Variants in TET3 observed in about 807,000 individuals in gnomAD.
TET3 encodes the protein methylcytosine dioxygenase TET3.
In TET3, 19 loss-of-function variants were observed where a neutral mutation model predicts 141.4. The ratio of observed to expected loss-of-function variants is 0.13; its 90% CI spans 0.09 to 0.20. The LOEUF is 0.20. TET3 is among the 10% of genes least tolerant of loss of function. TET3 has a pLI of 1.00. For synonymous variants in TET3, 1,043 were observed against 980.9 expected (o/e 1.06, Z -1.18); for missense variants, 1,874 against 2,356.9 (o/e 0.80, Z 4.24).
chr2:74,024,338 G>T (rs1686220426), intron 3 of TET3, among the ~76,000 whole-genome samples: 1 of 152,230 alleles, frequency 6.6e-6, no homozygotes, highest in South Asian at 2.1e-4. Context: ...CCTCTGGCAT[G>T]CACATGACAG....
intron 3 of TET3, among the ~76,000 whole-genome samples, chr2:74,032,442 GGTGTGTCTCTGTGTGT>G (rs1299251434): frequency 1.9e-4 from 18 of 94,872 alleles, no homozygotes; most frequent in African/African-American, 8.7e-4. Context: ...CTGCAAGAGG[GGTGTGTCTCTGTGTGT>G]GTGTGTGTGT....
At chr2:73,988,601 C>G (rs1684163477) in intron 2 of TET3, among the ~76,000 whole-genome samples, 1 of 152,142 alleles carries the variant, frequency 6.6e-6, no homozygotes, top group South Asian at 2.1e-4. Context: ...TAGAGACACC[C>G]CTGCTGAGAG....
intron 5 of TET3, among the ~76,000 whole-genome samples, chr2:74,076,905 A>G (rs1334144134): frequency 5.9e-5 from 9 of 152,234 alleles, no homozygotes; most frequent in Admixed American, 1.3e-4. Flanking sequence ...TTTTGGAGAA[A>G]GGAGGGGAAG....
At position 74,105,184 on chromosome 2, in the gene TET3, C is replaced by T. The variant is rs1691428231; in HGVS notation, c.*3008C>T. The T allele has an allele frequency of 2.5e-6, 1 of 398,500 alleles. No homozygotes were observed. Among genetic ancestry groups the T allele is most frequent in the East Asian group, 3.6e-5 (1 of 28,078 alleles). The allele number at this position is 398,500 out of a possible 1,614,324, so 24.7% of individuals were successfully genotyped here. On this transcript the variant is annotated 3_prime_UTR_variant, in exon 12 of 12. Coordinates refer to ENST00000409262, the MANE Select transcript of TET3 (RefSeq NM_001287491.2). ...AAATAAAGCCATTGCAACTAAAGAACCTAACAGCATGACCAAGTTCGAAGA... is the reference window on the plus strand; with the variant it reads ...AAATAAAGCCATTGCAACTAAAGAATCTAACAGCATGACCAAGTTCGAAGA...
intron 3 of TET3, among the ~76,000 whole-genome samples, chr2:74,038,553 T>A (rs1053877037): frequency 1.3e-5 from 2 of 152,164 alleles, no homozygotes; most frequent in Non-Finnish European, 2.9e-5. Flanking sequence ...GAGGCCCCTG[T>A]AGCCTTTGCA....
intron 11 of TET3, 111 bp from the exon 12 acceptor site, chr2:74,100,282 G>A (rs1691107461): frequency 8.3e-7 from 1 of 1,210,640 alleles, no homozygotes; most frequent in East Asian, 2.6e-5. Context: ...TGTCCCAAAA[G>A]AGGAAACATC....
intron 4 of TET3, among the ~76,000 whole-genome samples, chr2:74,057,489 A>C (rs1390878635): frequency 6.6e-6 from 1 of 152,250 alleles, no homozygotes; most frequent in East Asian, 1.9e-4. Context: ...TGAATTTTTA[A>C]GGAAAGAATT....
At chr2:74,030,225 G>A (rs1390387326) in intron 3 of TET3, among the ~76,000 whole-genome samples, 2 of 152,198 alleles carry the variant, frequency 1.3e-5, no homozygotes, top group Non-Finnish European at 2.9e-5. Context: ...TCATAATTCT[G>A]TGGGCTGCAA....
intron 3 of TET3, among the ~76,000 whole-genome samples, chr2:74,039,993 A>G (rs925802121): frequency 2.0e-5 from 3 of 152,180 alleles, no homozygotes; most frequent in Admixed American, 1.3e-4. Flanking sequence ...CCACCTCTCC[A>G]TGGGGGAAAT....
intron 3 of TET3, among the ~76,000 whole-genome samples, chr2:74,015,505 G>T (rs1317274899): frequency 6.6e-6 from 1 of 152,060 alleles, no homozygotes; most frequent in East Asian, 1.9e-4. Context: ...ACTTATTTTT[G>T]AGTAGTCTTT....
At chr2:73,996,428 G>T (rs1264308052) in intron 2 of TET3, among the ~76,000 whole-genome samples, 2 of 152,212 alleles carry the variant, frequency 1.3e-5, no homozygotes, top group African/African-American at 4.8e-5. Context: ...TGCACAGACA[G>T]TTGCCACACC....
chr2:74,112,689 T>C (rs1390809167), downstream of TET3, among the ~76,000 whole-genome samples: 4 of 152,178 alleles, frequency 2.6e-5, no homozygotes, highest in Non-Finnish European at 4.4e-5. Context: ...GACTACAATC[T>C]ACTTTCAAAA....
intron 2 of TET3, among the ~76,000 whole-genome samples, chr2:73,989,004 T>TG (rs1204868789): frequency 1.3e-5 from 2 of 149,538 alleles, no homozygotes; most frequent in African/African-American, 2.5e-5. Flanking sequence ...TTTTTGTTTT[T>TG]TTTTTTTTTT....
In TET3 at chr2:74,080,479, C is replaced by T. The variant is rs775236695; in HGVS notation, c.2586-19C>T. The stretch of plus-strand genomic sequence containing the variant: ...TGGGGTTCTGCTGTGCTAATGGTGG[C>T]TTCTGTCTCCCTCTTCAGGTATGGA... On this transcript the variant is annotated intron_variant, in intron 5 of 11. Transcript: ENST00000409262. The T allele has an allele frequency of 6.2e-7, 1 of 1,607,234 alleles. No homozygotes were observed. The highest frequency in any genetic ancestry group is 1.1e-5 in the South Asian group (1 of 89,778).
chr2:74,089,100 A>G (rs1339990176), intron 7 of TET3, among the ~76,000 whole-genome samples: 1 of 151,622 alleles, frequency 6.6e-6, no homozygotes, highest in Non-Finnish European at 1.5e-5. Flanking sequence ...AAAAAAAAAA[A>G]AAAAGACATA....
In TET3 at chr2:74,089,850, C is replaced by T. The variant is rs535896297; in HGVS notation, c.2889-47C>T. 67 of 1,603,944 alleles carry T rather than the reference C, an allele frequency of 4.2e-5. No individual in the cohort carries two copies. The Middle Eastern group carries it at 6.7e-4, about 16-fold the overall frequency. On this transcript the variant is annotated intron_variant, in intron 7 of 11. Coordinates refer to ENST00000409262, the MANE Select transcript of TET3 (RefSeq NM_001287491.2). ...TTGAGGGAGGAGGAATACTCCAGAA[C>T]GAAGGGATATTGCATCTATATCCCT...
intron 4 of TET3, among the ~76,000 whole-genome samples, chr2:74,050,296 C>T (rs1003674662): frequency 5.3e-5 from 8 of 152,104 alleles, no homozygotes; most frequent in South Asian, 2.1e-4. Flanking sequence ...ATAATAGTAC[C>T]GGCCTCACCA....
chr2:74,133,992 C>T, the TET3 span, among the ~76,000 whole-genome samples: 1 of 152,078 alleles, frequency 6.6e-6, no homozygotes. Context: ...ATCCCCCCCC[C>T]TCGGCCTCTC....
the TET3 span, among the ~76,000 whole-genome samples, chr2:74,124,183 C>T: frequency 1.5e-4 from 23 of 150,216 alleles, no homozygotes; most frequent in African/African-American, 5.1e-4. Context: ...GGGCAGCCCC[C>T]GCCCGGCCAG....
Sources: allele counts gnomAD v4.1 joint callset (sites outside exome capture counted in the v4.1 genomes callset), GRCh38; gene constraint gnomAD v4.1.1; transcripts MANE v1.5; gene names NCBI Gene and HGNC (gene_info 2026-07-23, HGNC 2026-07-21).